AMPD3: variants seen among roughly 807,000 people sequenced by gnomAD.
AMPD3 encodes the protein adenosine monophosphate deaminase 3, also known as AMP deaminase 3.
In AMPD3, 57 loss-of-function variants were observed where a neutral mutation model predicts 82.3. The ratio of observed to expected loss-of-function variants is 0.69; its 90% CI spans 0.56 to 0.86. AMPD3 has a LOEUF of 0.86. Among genes scored for constraint, AMPD3 ranks in the 40% least tolerant of loss-of-function variants. AMPD3 has a pLI of 0.00. For synonymous variants in AMPD3, 381 were observed against 394.7 expected (o/e 0.97, Z 0.41); for missense variants, 870 against 1,003.8 (o/e 0.87, Z 1.80).
chr11:10,451,007 C>T (rs1847946947), upstream of AMPD3: 1 of 1,579,084 alleles, frequency 6.3e-7, no homozygotes, highest in Non-Finnish European at 8.5e-7. Flanking sequence ...GCGGCCGTCC[C>T]TTTCGGCCGG....
At chr11:10,487,835 A>G (rs1849120004) in intron 6 of AMPD3, among the ~76,000 whole-genome samples, 1 of 152,110 alleles carries the variant, frequency 6.6e-6, no homozygotes, top group South Asian at 2.1e-4. Flanking sequence ...TTCCTGTGTT[A>G]GTTTGCTGAG....
At chr11:10,474,465 G>A (rs999276641) in intron 2 of AMPD3, among the ~76,000 whole-genome samples, 2 of 152,182 alleles carry the variant, frequency 1.3e-5, no homozygotes, top group Non-Finnish European at 2.9e-5. Flanking sequence ...TATAGGGAAG[G>A]CCCTGGGAGC....
chr11:10,476,502 A>T (rs1278894493), intron 2 of AMPD3, among the ~76,000 whole-genome samples: 6 of 148,594 alleles, frequency 4.0e-5, no homozygotes, highest in Non-Finnish European at 9.0e-5. Flanking sequence ...GTTTTTTTTT[A>T]AACTTTCTTA....
At chr11:10,503,645 A>G (rs995504505) in intron 13 of AMPD3, among the ~76,000 whole-genome samples, 2 of 152,258 alleles carry the variant, frequency 1.3e-5, no homozygotes, top group Non-Finnish European at 2.9e-5. Context: ...TTTAAAAACC[A>G]CATCAATAAA....
chr11:10,470,345 C>T (rs1298989994), intron 2 of AMPD3, among the ~76,000 whole-genome samples: 4 of 152,126 alleles, frequency 2.6e-5, no homozygotes, highest in Non-Finnish European at 5.9e-5. Flanking sequence ...ATGAAAAACC[C>T]ACAGGCAATA....
chr11:10,503,903 A>G (rs1177215944), intron 13 of AMPD3: 5 of 974,660 alleles, frequency 5.1e-6, no homozygotes, highest in Non-Finnish European at 6.1e-6. Context: ...CTTGACCTGT[A>G]CTTCGAGAAC....
intron 9 of AMPD3, 35 bp from the exon 10 acceptor site, chr11:10,496,777 A>G: frequency 1.2e-6 from 2 of 1,614,060 alleles, no homozygotes; most frequent in South Asian, 1.1e-5. Context: ...AGGCTGTTGG[A>G]TCCACCTGAC....
At chr11:10,494,804 G>C (rs1849341807) in intron 7 of AMPD3, 95 bp from the exon 8 acceptor site, 3 of 1,584,866 alleles carry the variant, frequency 1.9e-6, no homozygotes, top group Admixed American at 1.7e-5. Flanking sequence ...CTTTCGGTGT[G>C]GCCATACAGA....
rs527462081 is a variant in AMPD3, at chr11:10,505,694, C to G, written c.2128-14C>G. On this transcript the variant is annotated splice_polypyrimidine_tract_variant and intron_variant, in intron 14 of 14. Coordinates refer to ENST00000396553, the MANE Select transcript of AMPD3 (RefSeq NM_001025389.2). Reference sequence around the variant, plus strand: ...AAAGTATATAGTTTCATTTGTATTTCTCTTGGTCCACAGGAAAAGCAAAAG... The same window carrying G: ...AAAGTATATAGTTTCATTTGTATTTGTCTTGGTCCACAGGAAAAGCAAAAG... 2 of 1,612,782 alleles carry G rather than the reference C, an allele frequency of 1.2e-6. No homozygotes were observed. Among genetic ancestry groups the G allele is most frequent in the African/African-American group, 2.7e-5 (2 of 75,030 alleles).
intron 6 of AMPD3, 152 bp downstream of exon 6, chr11:10,487,516 G>A: frequency 1.9e-6 from 2 of 1,076,618 alleles, no homozygotes; most frequent in South Asian, 1.3e-5. Flanking sequence ...TGAAGCATAT[G>A]TGCAGAAGGA....
chr11:10,473,647 T>TACAGAGAGAGCAGGG, intron 2 of AMPD3: 1 of 967,622 alleles, frequency 1.0e-6, no homozygotes, highest in Non-Finnish European at 1.2e-6. Context: ...TGTGCGCCCC[T>TACAGAGAGAGCAGGG]GCTCTCTCTG....
chr11:10,475,201 G>A (rs1848703256), intron 2 of AMPD3, among the ~76,000 whole-genome samples: 3 of 152,078 alleles, frequency 2.0e-5, no homozygotes, highest in Non-Finnish European at 2.9e-5. Context: ...GGAGCAAGAG[G>A]CAGCGAGAGT....
intron 2 of AMPD3, 31 bp downstream of exon 2, chr11:10,461,771 A>G (rs1564839018): frequency 2.5e-6 from 4 of 1,570,810 alleles, no homozygotes; most frequent in Non-Finnish European, 3.5e-6. Flanking sequence ...TTTCGTGTAC[A>G]TAGAGTCATG....
chr11:10,497,583 C>T (rs575370775), intron 10 of AMPD3: 197 of 985,258 alleles, frequency 2.0e-4, no homozygotes, highest in Middle Eastern at 5.2e-4. Context: ...GCGGGGAGCC[C>T]GAGGGCTGGG....
chr11:10,462,896 A>G (rs1180292398), intron 2 of AMPD3, among the ~76,000 whole-genome samples: 1 of 152,210 alleles, frequency 6.6e-6, no homozygotes, highest in East Asian at 1.9e-4. Flanking sequence ...AGTTTCTTCC[A>G]GAAGGCCCAT....
upstream of AMPD3, among the ~76,000 whole-genome samples, chr11:10,451,671 C>G (rs781282214): frequency 2.1e-4 from 32 of 152,286 alleles, no homozygotes; most frequent in Admixed American, 3.9e-4. Context: ...TTTCCCCAAA[C>G]TGTATGTGGC....
chr11:10,480,976 G>A (rs551881897), intron 3 of AMPD3, among the ~76,000 whole-genome samples: 1 of 152,232 alleles, frequency 6.6e-6, no homozygotes, highest in Admixed American at 6.5e-5. Flanking sequence ...TTGGAAGGCG[G>A]GAATTTATCT....
At chr11:10,469,349 CG>C (rs1848515889) in intron 2 of AMPD3, among the ~76,000 whole-genome samples, 1 of 152,110 alleles carries the variant, frequency 6.6e-6, no homozygotes, top group East Asian at 1.9e-4. Context: ...AGACTACCAT[CG>C]GAGAATACTA....
chr11:10,467,360 T>C (rs1848451398), intron 2 of AMPD3, among the ~76,000 whole-genome samples: 1 of 151,984 alleles, frequency 6.6e-6, no homozygotes, highest in Non-Finnish European at 1.5e-5. Context: ...CACGAGAACA[T>C]TGTGAAGCAT....
Sources: allele counts gnomAD v4.1 joint callset (sites outside exome capture counted in the v4.1 genomes callset), GRCh38; gene constraint gnomAD v4.1.1; transcripts MANE v1.5; gene names NCBI Gene and HGNC (gene_info 2026-07-23, HGNC 2026-07-21).